Variants in SUGCT observed in about 807,000 individuals in gnomAD.
SUGCT encodes the protein succinyl-CoA:glutarate-CoA transferase.
Under a neutral mutation model 55.0 loss-of-function variants are expected in SUGCT, and 41 were observed. The observed-to-expected ratio is 0.74, with a 90% CI of 0.58 to 0.97. The LOEUF (loss-of-function observed/expected upper bound fraction) is 0.97, where lower values mean the gene tolerates loss of function less well. SUGCT is among the 50% of genes least tolerant of loss of function. SUGCT has a pLI of 0.00. For missense variants in SUGCT, 568 were observed against 547.8 expected, an observed-to-expected ratio of 1.04 and a Z score of -0.37; for synonymous variants, 187 against 200.4, an observed-to-expected ratio of 0.93 and a Z score of 0.56.
intron 1 of SUGCT, among the ~76,000 whole-genome samples, chr7:40,137,953 A>G (rs1388438978): frequency 6.6e-6 from 1 of 152,170 alleles, no homozygotes; most frequent in Non-Finnish European, 1.5e-5. Flanking sequence ...AAGTGCTGGG[A>G]TTACAGGCAT....
intron 10 of SUGCT, among the ~76,000 whole-genome samples, chr7:40,455,941 A>G (rs1372151901): frequency 6.6e-6 from 1 of 152,244 alleles, no homozygotes; most frequent in Non-Finnish European, 1.5e-5. Flanking sequence ...AGGCAATGAC[A>G]ACTCTTCATA....
chr7:40,146,205 C>T (rs777148832), intron 1 of SUGCT, among the ~76,000 whole-genome samples: 4 of 152,116 alleles, frequency 2.6e-5, no homozygotes, highest in East Asian at 3.9e-4. Flanking sequence ...AAGCAGTTGC[C>T]GCTACAGATT....
intron 9 of SUGCT, among the ~76,000 whole-genome samples, chr7:40,324,753 A>C (rs1161822098): frequency 1.3e-5 from 2 of 152,312 alleles, no homozygotes; most frequent in East Asian, 3.9e-4. Flanking sequence ...GGGAGACCCC[A>C]GGAGTTCAGG....
At chr7:40,968,977 C>G in the SUGCT span, among the ~76,000 whole-genome samples, 2 of 152,218 alleles carry the variant, frequency 1.3e-5, no homozygotes, top group Non-Finnish European at 2.9e-5. Flanking sequence ...ACAGTCCCAC[C>G]CAGAAGCCCC....
At chr7:40,982,256 C>G in the SUGCT span, among the ~76,000 whole-genome samples, 1 of 152,180 alleles carries the variant, frequency 6.6e-6, no homozygotes, top group South Asian at 2.1e-4. Context: ...TTAGAATGTT[C>G]ATAAATGAGT....
chr7:40,913,223 G>T, the SUGCT span, among the ~76,000 whole-genome samples: 5 of 152,030 alleles, frequency 3.3e-5, no homozygotes, highest in South Asian at 2.1e-4. Context: ...TGTTAGCCAG[G>T]ATGGATCCAA....
At chr7:40,823,016 A>G (rs1472449017) in intron 13 of SUGCT, among the ~76,000 whole-genome samples, 1 of 152,152 alleles carries the variant, frequency 6.6e-6, no homozygotes, top group African/African-American at 2.4e-5. Flanking sequence ...TGCTGCAAGG[A>G]AAAAGCCACA....
intron 13 of SUGCT, among the ~76,000 whole-genome samples, chr7:40,831,005 T>C (rs1186171633): frequency 6.6e-6 from 1 of 152,224 alleles, no homozygotes; most frequent in Non-Finnish European, 1.5e-5. Context: ...ACAAACACCC[T>C]GAGAAGTAAT....
At chr7:40,932,128 T>C in the SUGCT span, among the ~76,000 whole-genome samples, 10 of 152,236 alleles carry the variant, frequency 6.6e-5, no homozygotes, top group Admixed American at 1.3e-4. Context: ...ATTGTGTCTT[T>C]GTTCTCACTG....
At chr7:40,854,202 T>C (rs1288316316) in intron 13 of SUGCT, among the ~76,000 whole-genome samples, 1 of 152,170 alleles carries the variant, frequency 6.6e-6, no homozygotes, top group Admixed American at 6.5e-5. Flanking sequence ...ATGTAACTTA[T>C]TATTATATTT....
intron 13 of SUGCT, among the ~76,000 whole-genome samples, chr7:40,779,137 C>A (rs1304098078): frequency 1.3e-5 from 2 of 152,154 alleles, no homozygotes; most frequent in East Asian, 3.9e-4. Context: ...CACCCAACTT[C>A]TTTTCAGGTC....
At chr7:40,398,850 A>C (rs1785903604) in intron 9 of SUGCT, among the ~76,000 whole-genome samples, 4 of 152,158 alleles carry the variant, frequency 2.6e-5, no homozygotes, top group Admixed American at 2.6e-4. Context: ...AAGAAGGATG[A>C]CCTTGGGGCA....
chr7:40,302,971 C>T (rs1346837264), intron 8 of SUGCT, among the ~76,000 whole-genome samples: 1 of 152,106 alleles, frequency 6.6e-6, no homozygotes, highest in African/African-American at 2.4e-5. Flanking sequence ...AATAAATACC[C>T]CTTCCCCAAA....
the SUGCT span, among the ~76,000 whole-genome samples, chr7:40,892,321 C>T: frequency 6.6e-6 from 1 of 152,026 alleles, no homozygotes; most frequent in Admixed American, 6.6e-5. Flanking sequence ...ATGTAAGCCT[C>T]ACGATAACCA....
intron 7 of SUGCT, among the ~76,000 whole-genome samples, chr7:40,268,332 G>A (rs555206238): frequency 3.9e-5 from 6 of 152,156 alleles, no homozygotes; most frequent in African/African-American, 1.2e-4. Flanking sequence ...GACAGTTCAC[G>A]TAAATGGAAT....
intron 12 of SUGCT, among the ~76,000 whole-genome samples, chr7:40,528,486 G>A (rs1793918808): frequency 6.6e-6 from 1 of 152,132 alleles, no homozygotes; most frequent in Admixed American, 6.5e-5. Context: ...CACACATTAA[G>A]AATGGAAAAT....
At chr7:41,024,323 T>A in the SUGCT span, among the ~76,000 whole-genome samples, 6 of 152,002 alleles carry the variant, frequency 3.9e-5, no homozygotes, top group Non-Finnish European at 7.4e-5. Flanking sequence ...AACCACAGAC[T>A]GTGAAAACAA....
At position 40,846,374 on chromosome 7, in the gene SUGCT, GA is replaced by G. The variant is rs3052686; in HGVS notation, c.1154-13928del. Among the ~76,000 whole-genome samples, 705 of 141,358 alleles carry G rather than the reference GA, an allele frequency of 5.0e-3. 5 individuals are homozygous for G. The highest frequency in any genetic ancestry group is 0.013 in the African/African-American group (513 of 38,980). The allele number at this position is 141,358 out of a possible 152,430, so 92.7% of individuals were successfully genotyped here. Reference sequence around the variant, plus strand: ...TAATGACACGCAAACACTAGTGTTGGAAAAAAAAAAAAAACAGTCAGGAGAG... The same window carrying G: ...TAATGACACGCAAACACTAGTGTTGGAAAAAAAAAAAAACAGTCAGGAGAG... On this transcript the variant is annotated intron_variant, in intron 13 of 13. Coordinates refer to ENST00000335693, the MANE Select transcript of SUGCT (RefSeq NM_001193313.2).
chr7:40,938,166 A>C, the SUGCT span, among the ~76,000 whole-genome samples: 1 of 152,150 alleles, frequency 6.6e-6, no homozygotes, highest in Non-Finnish European at 1.5e-5. Flanking sequence ...GTTGTAGACA[A>C]CATATTTTTG....
Sources: allele counts gnomAD v4.1 joint callset (sites outside exome capture counted in the v4.1 genomes callset), GRCh38; gene constraint gnomAD v4.1.1; transcripts MANE v1.5; gene names NCBI Gene and HGNC (gene_info 2026-07-23, HGNC 2026-07-21).